The following ARHGAP12 variants were observed in gnomAD, a reference collection of about 807,000 sequenced individuals.
ARHGAP12 encodes the protein Rho GTPase activating protein 12.
ARHGAP12 carries 64 observed loss-of-function variants against 108.6 expected under a neutral mutation model. The ratio of observed to expected loss-of-function variants is 0.59; its 90% CI spans 0.48 to 0.73. The LOEUF is 0.73. ARHGAP12 is among the 30% of genes least tolerant of loss of function. ARHGAP12 has a pLI of 0.00. For synonymous variants in ARHGAP12, 312 were observed against 337.2 expected (o/e 0.93, Z 0.82); for missense variants, 940 against 1,005.9 (o/e 0.93, Z 0.89).
rs1834792919 is a variant in ARHGAP12 at position 31,805,596 on chromosome 10, T to G, written c.*2062A>C. The G allele has an allele frequency of 6.6e-6, 1 of 151,124 alleles. No homozygotes were observed. Among genetic ancestry groups the G allele is most frequent in the Admixed American group, 6.6e-5 (1 of 15,150 alleles). The allele number at this position is 151,124 out of a possible 1,614,324, so 9.4% of individuals were successfully genotyped here. On this transcript the variant is annotated 3_prime_UTR_variant, in exon 20 of 20. Transcript: ENST00000344936. ...CGCAAGACATTAATCTCACTGTACA[T>G]ACAATATTACAATAAACTGATTAGC...
At chr10:31,853,999 T>C in intron 5 of ARHGAP12, 67 bp downstream of exon 5, 1 of 1,458,586 alleles carries the variant, frequency 6.9e-7, no homozygotes, top group African/African-American at 1.4e-5. Context: ...ATACTAAAAC[T>C]GCAGTACACA....
chr10:31,851,557 A>G (rs540878607), intron 6 of ARHGAP12, among the ~76,000 whole-genome samples: 13 of 152,226 alleles, frequency 8.5e-5, no homozygotes, highest in Non-Finnish European at 1.9e-4. Flanking sequence ...AGACTCACAA[A>G]GGTATTCTTA....
Position 31,808,649 on chromosome 10 carries a change from C to T in ARHGAP12, c.2366G>A (p.Arg789Lys). The T allele has an allele frequency of 6.2e-7, 1 of 1,613,214 alleles. No homozygotes were observed. The highest frequency in any genetic ancestry group is 8.5e-7 in the Non-Finnish European group (1 of 1,179,348). ...TMQILFRHLR[R>K]VIENGEKNRM... ...TCCCATGACTGGGCAGTCCTCCTAC[C>T]TTCTGAGATGTCGGAAAAGAATCTG... is the stretch of plus-strand genomic sequence containing the variant. The change falls in exon 19 of 20, where the codon AGA (arginine) becomes AAA (lysine). Residue 789 changes from arginine (R) to lysine (K), a missense_variant and splice_region_variant. Transcript: ENST00000344936.
intron 3 of ARHGAP12, among the ~76,000 whole-genome samples, chr10:31,894,762 T>C (rs1374498349): frequency 6.6e-6 from 1 of 152,128 alleles, no homozygotes; most frequent in African/African-American, 2.4e-5. Flanking sequence ...AAAGTTCATA[T>C]GGAACCAAAA....
chr10:31,837,851 A>C (rs1836086532), intron 9 of ARHGAP12, among the ~76,000 whole-genome samples: 2 of 152,226 alleles, frequency 1.3e-5, no homozygotes, highest in South Asian at 4.1e-4. Context: ...AAAAAGCTTT[A>C]AGGTTTCATT....
intron 3 of ARHGAP12, among the ~76,000 whole-genome samples, chr10:31,906,874 T>A (rs888766493): frequency 6.6e-6 from 1 of 152,206 alleles, no homozygotes; most frequent in Non-Finnish European, 1.5e-5. Context: ...ATTAGTTCCC[T>A]GAGGAGCTAA....
intron 3 of ARHGAP12, among the ~76,000 whole-genome samples, chr10:31,873,272 T>C (rs1349949703): frequency 1.3e-5 from 2 of 152,194 alleles, no homozygotes; most frequent in African/African-American, 4.8e-5. Flanking sequence ...TTACAGTACA[T>C]CTCAATTCAG....
Position 31,826,656 on chromosome 10 carries a change from G to A in ARHGAP12, c.1449-271C>T, listed in dbSNP as rs79489700. ...GAATGACGCATGTAATTATGTTCAC[G>A]TGAAATTAATACAGCACTTTGTGAT... On this transcript the variant is annotated intron_variant, in intron 10 of 19. Transcript: ENST00000344936. 2.4e-3 allele frequency: 778 copies of A among 322,854 alleles called. 4 individuals carry two copies. The highest frequency in any genetic ancestry group is 3.1e-3 in the Admixed American group (65 of 20,774). The allele number at this position is 322,854 out of a possible 1,614,324, so 20.0% of individuals were successfully genotyped here. A position where few individuals can be genotyped will look rare whatever the true frequency, so the allele number is the denominator to read the frequency against.
intron 11 of ARHGAP12, 66 bp from the exon 12 acceptor site, chr10:31,820,554 T>C: frequency 1.2e-6 from 1 of 843,710 alleles, no homozygotes; most frequent in Non-Finnish European, 1.7e-6. Context: ...TCAAAAATAA[T>C]TAAGAACAAT....
chr10:31,842,948 T>G (rs192040836), intron 7 of ARHGAP12, among the ~76,000 whole-genome samples: 1 of 152,026 alleles, frequency 6.6e-6, no homozygotes, highest in African/African-American at 2.4e-5. Context: ...CTCAGACTGA[T>G]AAAAGAAGTG....
chr10:31,903,787 C>A (rs887035400), intron 3 of ARHGAP12, among the ~76,000 whole-genome samples: 3 of 151,042 alleles, frequency 2.0e-5, no homozygotes, highest in Middle Eastern at 3.4e-3. Context: ...CAATCCAATT[C>A]GAAAATGGGC....
intron 3 of ARHGAP12, among the ~76,000 whole-genome samples, chr10:31,880,731 T>C (rs1445526340): frequency 6.6e-6 from 1 of 152,100 alleles, no homozygotes; most frequent in Non-Finnish European, 1.5e-5. Context: ...ATAAATTTTA[T>C]ATTCATATAT....
intron 1 of ARHGAP12, among the ~76,000 whole-genome samples, chr10:31,916,942 C>T (rs754023561): frequency 3.3e-5 from 5 of 152,048 alleles, no homozygotes; most frequent in African/African-American, 9.7e-5. Context: ...AATTAGTGAG[C>T]TTACAATTTA....
intron 1 of ARHGAP12, among the ~76,000 whole-genome samples, chr10:31,921,763 CAAAAA>C (rs57420280): frequency 1.8e-4 from 7 of 37,926 alleles, no homozygotes; most frequent in Admixed American, 9.9e-4. Context: ...GGCTCCATCT[CAAAAA>C]AAAAAAAAAA....
intron 9 of ARHGAP12, 67 bp from the exon 10 acceptor site, chr10:31,831,867 C>T (rs2132204752): frequency 5.2e-6 from 5 of 958,312 alleles, no homozygotes; most frequent in African/African-American, 1.7e-5. Flanking sequence ...TTACACATGA[C>T]TGAACCAACA....
At chr10:31,886,290 T>C (rs1838186546) in intron 3 of ARHGAP12, among the ~76,000 whole-genome samples, 1 of 152,200 alleles carries the variant, frequency 6.6e-6, no homozygotes, top group Non-Finnish European at 1.5e-5. Flanking sequence ...TTAATGACTC[T>C]ATCAGGATTA....
At chr10:31,872,304 C>T (rs902111126) in intron 3 of ARHGAP12, among the ~76,000 whole-genome samples, 1 of 152,130 alleles carries the variant, frequency 6.6e-6, no homozygotes, top group Non-Finnish European at 1.5e-5. Context: ...CTCAAACACC[C>T]TCCTCTCCCC....
At chr10:31,876,771 A>G (rs891276189) in intron 3 of ARHGAP12, among the ~76,000 whole-genome samples, 2 of 152,196 alleles carry the variant, frequency 1.3e-5, no homozygotes, top group Admixed American at 1.3e-4. Context: ...AAATTCACCT[A>G]GTAGGTATAT....
intron 3 of ARHGAP12, among the ~76,000 whole-genome samples, chr10:31,864,363 C>T (rs1837243227): frequency 6.6e-6 from 1 of 152,016 alleles, no homozygotes; most frequent in Admixed American, 6.5e-5. Flanking sequence ...TGTATAAAAT[C>T]AAGTAAGAAT....
Sources: allele counts gnomAD v4.1 joint callset (sites outside exome capture counted in the v4.1 genomes callset), GRCh38; gene constraint gnomAD v4.1.1; transcripts MANE v1.5; gene names NCBI Gene and HGNC (gene_info 2026-07-23, HGNC 2026-07-21).